The following VPS41 variants were observed in gnomAD, a reference collection of about 807,000 sequenced individuals.
VPS41 encodes the protein vacuolar protein sorting-associated protein 41 homolog.
In VPS41, 85 loss-of-function variants were observed where a neutral mutation model predicts 130.9. The observed-to-expected ratio is 0.65, with a 90% CI of 0.55 to 0.78. The LOEUF is 0.78. VPS41 is among the 30% of genes least tolerant of loss of function. VPS41 has a pLI of 0.00. For missense variants in VPS41, 874 were observed against 1,018.7 expected, an observed-to-expected ratio of 0.86 and a Z score of 1.93; for synonymous variants, 335 against 332.9, an observed-to-expected ratio of 1.01 and a Z score of -0.07.
At chr7:38,826,921 C>G (rs1785291876) in intron 5 of VPS41, among the ~76,000 whole-genome samples, 2 of 152,242 alleles carry the variant, frequency 1.3e-5, no homozygotes, top group African/African-American at 4.8e-5. Context: ...CGGATTCACA[C>G]CATTCTCCTG....
intron 11 of VPS41, chr7:38,775,415 A>G (rs187824276): frequency 1.6e-4 from 24 of 152,262 alleles, no homozygotes; most frequent in African/African-American, 5.8e-4. Flanking sequence ...TTATTAACAA[A>G]GGTTTCCTTT....
chr7:38,870,539 C>T (rs1015420924), intron 2 of VPS41, among the ~76,000 whole-genome samples: 1 of 151,784 alleles, frequency 6.6e-6, no homozygotes, highest in Non-Finnish European at 1.5e-5. Flanking sequence ...AGGGTGACTC[C>T]TCTTCAGAGA....
At chr7:38,814,908 G>A (rs943241156) in intron 7 of VPS41, among the ~76,000 whole-genome samples, 3 of 152,144 alleles carry the variant, frequency 2.0e-5, no homozygotes, top group Non-Finnish European at 4.4e-5. Context: ...GTGTATAGCA[G>A]ATTATTAAGA....
intron 7 of VPS41, among the ~76,000 whole-genome samples, chr7:38,798,607 T>C (rs1337272259): frequency 2.0e-5 from 3 of 152,156 alleles, no homozygotes; most frequent in East Asian, 1.9e-4. Flanking sequence ...CAATTAAACA[T>C]GATGAATTGA....
intron 10 of VPS41, among the ~76,000 whole-genome samples, chr7:38,778,287 T>C (rs1379608023): frequency 6.6e-6 from 1 of 152,176 alleles, no homozygotes; most frequent in Non-Finnish European, 1.5e-5. Context: ...GTGATAAATG[T>C]TCACAAAAGA....
chr7:38,817,695 T>C, intron 7 of VPS41, 122 bp downstream of exon 7: 4 of 852,342 alleles, frequency 4.7e-6, no homozygotes, highest in Non-Finnish European at 8.0e-6. Flanking sequence ...TTTCATTACA[T>C]TTGTCTTTCT....
chr7:38,865,694 A>G (rs1174503360), intron 3 of VPS41, among the ~76,000 whole-genome samples: 1 of 152,254 alleles, frequency 6.6e-6, no homozygotes, highest in Non-Finnish European at 1.5e-5. Flanking sequence ...CAGAGTGGCT[A>G]CAACTTGCTC....
At chr7:38,731,034 C>T (rs934780532) in intron 25 of VPS41, among the ~76,000 whole-genome samples, 1 of 152,218 alleles carries the variant, frequency 6.6e-6, no homozygotes, top group Non-Finnish European at 1.5e-5. Context: ...CAGAGGCAAA[C>T]AGCCAGGAGA....
At chr7:38,802,217 G>A (rs1472617600) in intron 7 of VPS41, among the ~76,000 whole-genome samples, 1 of 152,194 alleles carries the variant, frequency 6.6e-6, no homozygotes, top group East Asian at 1.9e-4. Context: ...CGTTTGGCCT[G>A]AACGGTAATT....
At chr7:38,815,561 G>A (rs1272767450) in intron 7 of VPS41, among the ~76,000 whole-genome samples, 2 of 152,148 alleles carry the variant, frequency 1.3e-5, no homozygotes. Context: ...TTGGATTGAA[G>A]GATGCAAAGT....
At chr7:38,878,415 C>T (rs753887749) in intron 2 of VPS41, among the ~76,000 whole-genome samples, 15 of 152,030 alleles carry the variant, frequency 9.9e-5, no homozygotes, top group Non-Finnish European at 1.5e-4. Context: ...TAAGCTGCCC[C>T]ATAAGAGGCA....
At chr7:38,858,890 T>C in intron 4 of VPS41, among the ~76,000 whole-genome samples, 1 of 152,170 alleles carries the variant, frequency 6.6e-6, no homozygotes, top group East Asian at 1.9e-4. Flanking sequence ...AAAAAAGAAG[T>C]TACCCATAAA....
At chr7:38,890,561 A>G (rs1786838180) in intron 2 of VPS41, among the ~76,000 whole-genome samples, 1 of 152,194 alleles carries the variant, frequency 6.6e-6, no homozygotes, top group African/African-American at 2.4e-5. Flanking sequence ...TACGGGTGAA[A>G]TCCAAATAAG....
At position 38,899,298 on chromosome 7, in the gene VPS41, G is replaced by T. The variant is rs77603665; in HGVS notation, c.22-1169C>A. ...TCTCCTCTGTAACTCAATGCAGCCT[G>T]TTTAGCTTAATGTCAATCCAAGTCT... On this transcript the variant is annotated intron_variant, in intron 1 of 28. Transcript: ENST00000310301. Among the ~76,000 whole-genome samples the T allele has an allele frequency of 8.6e-3, 1,311 of 152,284 alleles. 17 individuals are homozygous for T. The highest frequency in any genetic ancestry group is 0.03 in the African/African-American group (1,236 of 41,550).
intron 11 of VPS41, chr7:38,775,378 T>C (rs1466670498): frequency 1.1e-4 from 17 of 152,198 alleles, no homozygotes; most frequent in Non-Finnish European, 4.4e-5. Context: ...GGCCTATCTT[T>C]GGCATTTATT....
chr7:38,785,357 T>C (rs1266826830), intron 10 of VPS41, among the ~76,000 whole-genome samples: 1 of 152,214 alleles, frequency 6.6e-6, no homozygotes, highest in African/African-American at 2.4e-5. Flanking sequence ...TTGAAAAGAA[T>C]GGCTAATGGA....
intron 10 of VPS41, among the ~76,000 whole-genome samples, chr7:38,779,777 G>C (rs1784323275): frequency 6.6e-6 from 1 of 152,136 alleles, no homozygotes; most frequent in Non-Finnish European, 1.5e-5. Flanking sequence ...TCTTCATATA[G>C]ATTTAGAGAA....
intron 25 of VPS41, among the ~76,000 whole-genome samples, chr7:38,735,958 A>T (rs1445240504): frequency 6.6e-6 from 1 of 151,970 alleles, no homozygotes; most frequent in Non-Finnish European, 1.5e-5. Flanking sequence ...ACAATTTGTC[A>T]TTTTTTTTCT....
intron 5 of VPS41, among the ~76,000 whole-genome samples, chr7:38,826,018 G>T (rs1785267747): frequency 1.3e-5 from 2 of 152,272 alleles, no homozygotes; most frequent in South Asian, 4.1e-4. Flanking sequence ...GAATAGGGTG[G>T]ACATGTGAAC....
Sources: gnomAD v4.1 joint callset for allele counts (sites outside exome capture counted in the v4.1 genomes callset) on GRCh38, gnomAD v4.1.1 for gene constraint, MANE v1.5 for transcripts, NCBI Gene and HGNC (gene_info 2026-07-23, HGNC 2026-07-21) for gene names.